RMND5B: variants seen among roughly 807,000 people sequenced by gnomAD.
RMND5B encodes the protein required for meiotic nuclear division 5 homolog B, also known as E3 ubiquitin-protein transferase RMND5B.
In RMND5B, 42 loss-of-function variants were observed where a neutral mutation model predicts 50.4. The ratio of observed to expected loss-of-function variants is 0.83; its 90% CI spans 0.65 to 1.08. The LOEUF is 1.08. Among genes scored for constraint, RMND5B ranks in the 50% least tolerant of loss-of-function variants. RMND5B has a pLI of 0.00. For missense variants in RMND5B, 463 were observed against 508.5 expected (o/e 0.91, Z 0.86); for synonymous variants, 220 against 210.0 (o/e 1.05, Z -0.41).
intron 8 of RMND5B, 68 bp downstream of exon 8, chr5:178,146,347 C>G: frequency 1.4e-6 from 2 of 1,480,750 alleles, no homozygotes; most frequent in East Asian, 2.3e-5. Context: ...TTGCCAAGGC[C>G]CTGCCATGTG....
chr5:178,147,927 C>T, intron 10 of RMND5B, 42 bp from the exon 11 acceptor site: 1 of 1,614,132 alleles, frequency 6.2e-7, no homozygotes, highest in Non-Finnish European at 8.5e-7. Flanking sequence ...GGCTCTCCTA[C>T]TGGCCACCCC....
chr5:178,149,946 G>A lies in RMND5B; in HGVS notation c.*1914G>A. The A allele has an allele frequency of 8.2e-7, 1 of 1,218,740 alleles. No homozygotes were observed. The highest frequency in any genetic ancestry group is 1.2e-6 in the Non-Finnish European group (1 of 854,464). 75.5% of individuals were successfully genotyped at this position (1,218,740 alleles called of 1,614,324 possible). On this transcript the variant is annotated 3_prime_UTR_variant, in exon 11 of 11. Transcript: ENST00000313386. ...CTAATCTGGCCCACAACCATGTTCT[G>A]TTCGGTCCATGTTCTATTTAAAAGC...
At chr5:178,146,014 G>C in intron 7 of RMND5B, 100 bp from the exon 8 acceptor site, 1 of 1,256,416 alleles carries the variant, frequency 8.0e-7, no homozygotes, top group Non-Finnish European at 1.1e-6. Context: ...GGAGCCACCG[G>C]GCTCAGCATA....
At chr5:178,135,282 T>A in intron 2 of RMND5B, 1 of 228,824 alleles carries the variant, frequency 4.4e-6, no homozygotes, top group South Asian at 3.9e-5. Context: ...TCTGAGGAGC[T>A]GGGACCACAG....
At chr5:178,132,110 C>G (rs1758343894) in intron 2 of RMND5B, among the ~76,000 whole-genome samples, 1 of 152,060 alleles carries the variant, frequency 6.6e-6, no homozygotes, top group African/African-American at 2.4e-5. Context: ...CTCAGCACTT[C>G]AAGACCAACC....
chr5:178,146,232 C>A lies in RMND5B; in HGVS notation c.813C>A (p.Asp271Glu). 1.9e-6 allele frequency: 3 copies of A among 1,614,176 alleles called. No homozygotes were observed. Among genetic ancestry groups the A allele is most frequent in the Non-Finnish European group, 2.5e-6 (3 of 1,180,014 alleles). The change falls in exon 8 of 11, where the codon GAC becomes GAA. Residue 271 changes from aspartate to glutamate, a missense_variant. Asp to Glu is a conservative substitution (Grantham distance 45, BLOSUM62 2). Coordinates refer to ENST00000313386, the MANE Select transcript of RMND5B (RefSeq NM_022762.5). ...WAEICETFTR[D>E]ACSLLGLSVE... The stretch of plus-strand genomic sequence containing the variant: ...AGATCTGTGAGACCTTTACCCGGGA[C>A]GCCTGTTCCCTGCTGGGGCTTTCTG...
intron 5 of RMND5B, 103 bp from the exon 6 acceptor site, chr5:178,143,524 T>C: frequency 2.2e-6 from 2 of 908,972 alleles, no homozygotes; most frequent in South Asian, 2.9e-5. Flanking sequence ...AAAGCCCAGC[T>C]CTCTGGCCTG....
chr5:178,147,651 G>A lies in RMND5B; in HGVS notation c.963+16G>A. On this transcript the variant is annotated intron_variant, in intron 9 of 10. Transcript: ENST00000313386. The stretch of plus-strand genomic sequence containing the variant: ...CGAGTTACCGGTGAGGCCTGGTCTG[G>A]GGAATCGTGGGCAAGAGGTACTGGG... 1.9e-6 allele frequency: 3 copies of A among 1,614,078 alleles called. No individual in the cohort carries two copies. The highest frequency in any genetic ancestry group is 2.5e-6 in the Non-Finnish European group (3 of 1,179,948).
chr5:178,148,417 C>T lies in RMND5B; in HGVS notation c.*385C>T, dbSNP rs1353449599. ...ATGCCAATGCTATGTCCACCCTTGC[C>T]CCTCGGCCCAAGAGTGTCCAGCGGT... On this transcript the variant is annotated 3_prime_UTR_variant, in exon 11 of 11. Transcript: ENST00000313386. 3.0e-5 allele frequency: 10 copies of T among 329,448 alleles called. No homozygotes were observed. Among genetic ancestry groups the T allele is most frequent in the Non-Finnish European group, 5.8e-5 (10 of 171,030 alleles). 20.4% of individuals were successfully genotyped at this position (329,448 alleles called of 1,614,324 possible). A position where few individuals can be genotyped will look rare whatever the true frequency, so the allele number is the denominator to read the frequency against.
chr5:178,131,756 G>T (rs1758322710), intron 2 of RMND5B, among the ~76,000 whole-genome samples: 1 of 152,076 alleles, frequency 6.6e-6, no homozygotes, highest in Admixed American at 6.5e-5. Flanking sequence ...CCAGGCAGCG[G>T]GAACAGCCAG....
At position 178,148,129 on chromosome 5, in the gene RMND5B, T is replaced by C; in HGVS notation, c.*97T>C. The C allele has an allele frequency of 8.0e-7, 1 of 1,242,476 alleles. No individual in the cohort carries two copies. The allele number at this position is 1,242,476 out of a possible 1,614,324, so 77.0% of individuals were successfully genotyped here. A position where few individuals can be genotyped will look rare whatever the true frequency, so the allele number is the denominator to read the frequency against. Reference sequence around the variant, plus strand: ...CAACTTCAGTGGACTGTGGTTGGTTTCAGAGCGCCTGGCTGAGGAGTTCCA... The same window carrying C: ...CAACTTCAGTGGACTGTGGTTGGTTCCAGAGCGCCTGGCTGAGGAGTTCCA... On this transcript the variant is annotated 3_prime_UTR_variant, in exon 11 of 11. Coordinates refer to ENST00000313386, the MANE Select transcript of RMND5B (RefSeq NM_022762.5).
Position 178,138,285 on chromosome 5 carries a change from T to G in RMND5B, c.139+27T>G. The stretch of plus-strand genomic sequence containing the variant: ...TGGGTGGCCACCCTTGCAAGTGCCC[T>G]GCGACAGCCTCCCTGAGGACATGGG... On this transcript the variant is annotated intron_variant, in intron 3 of 10. Transcript: ENST00000313386. The surrounding 1 kb of genome is among the most constrained non-coding windows in gnomAD (Gnocchi z 5.1). 1 of 1,609,758 alleles carries G rather than the reference T, an allele frequency of 6.2e-7. No individual in the cohort carries two copies.
At chr5:178,131,573 TA>T (rs33915769) in intron 2 of RMND5B, among the ~76,000 whole-genome samples, 197 bp downstream of exon 2, 2,864 of 139,138 alleles carry the variant, frequency 0.021, 42 homozygotes, top group East Asian at 0.088. Context: ...GACTGTATAG[TA>T]AAAAAAAAAA....
chr5:178,146,022 A>G, intron 7 of RMND5B, 92 bp from the exon 8 acceptor site: 1 of 1,340,250 alleles, frequency 7.5e-7, no homozygotes. Context: ...CGGGCTCAGC[A>G]TATTGTGCTG....
intron 7 of RMND5B, 56 bp from the exon 8 acceptor site, chr5:178,146,058 G>A (rs1755984158): frequency 1.9e-6 from 3 of 1,577,374 alleles, no homozygotes; most frequent in East Asian, 4.5e-5. Context: ...CTGCCCGCTT[G>A]GGGGTGGACC....
At chr5:178,140,233 G>C (rs1758846161) in intron 3 of RMND5B, among the ~76,000 whole-genome samples, 1 of 152,096 alleles carries the variant, frequency 6.6e-6, no homozygotes, top group African/African-American at 2.4e-5. Context: ...CAGTGCAGTG[G>C]CACGATCTTG....
At position 178,138,764 on chromosome 5, in the gene RMND5B, A is replaced by G. The variant is rs1050488574; in HGVS notation, c.139+506A>G. On this transcript the variant is annotated intron_variant, in intron 3 of 10. Coordinates refer to ENST00000313386, the MANE Select transcript of RMND5B (RefSeq NM_022762.5). The surrounding 1 kb of genome is among the most constrained non-coding windows in gnomAD (Gnocchi z 5.1). ...ATATACCCTTTACTTGGATTCACCAACTGCTCATATGTTGCCATATTTGCC... is the reference window on the plus strand; with the variant it reads ...ATATACCCTTTACTTGGATTCACCAGCTGCTCATATGTTGCCATATTTGCC... Among the ~76,000 whole-genome samples, 3 of 152,154 alleles carry G rather than the reference A, an allele frequency of 2.0e-5. No homozygotes were observed. The highest frequency in any genetic ancestry group is 7.2e-5 in the African/African-American group (3 of 41,430).
intron 3 of RMND5B, 47 bp from the exon 4 acceptor site, chr5:178,142,536 G>C (rs528503717): frequency 6.4e-7 from 1 of 1,569,238 alleles, no homozygotes; most frequent in Admixed American, 1.8e-5. Context: ...GCCAAGGCAG[G>C]TGCCCCAGTC....
At chr5:178,145,216 A>G (rs1343547201) in intron 7 of RMND5B, among the ~76,000 whole-genome samples, 1 of 151,622 alleles carries the variant, frequency 6.6e-6, no homozygotes, top group Admixed American at 6.6e-5. Flanking sequence ...GCCGGGCATG[A>G]TGGCTCACAC....
Sources: allele counts gnomAD v4.1 joint callset (sites outside exome capture counted in the v4.1 genomes callset), GRCh38; gene constraint gnomAD v4.1.1; non-coding constraint Gnocchi (gnomAD v3.1); transcripts MANE v1.5; gene names NCBI Gene and HGNC (gene_info 2026-07-23, HGNC 2026-07-21).